The following CFAP410 variants were observed in gnomAD, a reference collection of about 807,000 sequenced individuals.
The protein encoded by CFAP410 is cilia- and flagella-associated protein 410.
In CFAP410, 27 loss-of-function variants were observed where a neutral mutation model predicts 25.7. The ratio of observed to expected loss-of-function variants is 1.05; its 90% CI spans 0.77 to 1.45. The LOEUF is 1.45. Among genes scored for constraint, CFAP410 ranks in the 40% most tolerant of loss-of-function variants. The pLI is 0.00. For missense variants in CFAP410, 428 were observed against 354.1 expected (o/e 1.21, Z -1.67); for synonymous variants, 178 against 158.4 (o/e 1.12, Z -0.93).
At chr21:44,334,947 G>A (rs1332662990) in intron 3 of CFAP410, 1 of 154,582 alleles carries the variant, frequency 6.5e-6, no homozygotes, top group East Asian at 1.9e-4. Context: ...AAGAAGGTAG[G>A]TCACAGTCAG....
At chr21:44,332,269 A>C in intron 4 of CFAP410, 1 of 438,306 alleles carries the variant, frequency 2.3e-6, no homozygotes. Context: ...GGCCAGAAGC[A>C]AATACTCCTC....
chr21:44,335,613 C>G (rs1427972207), intron 3 of CFAP410, 145 bp downstream of exon 3: 1 of 670,878 alleles, frequency 1.5e-6, no homozygotes, highest in East Asian at 2.7e-5. Context: ...TCTCGCTGTC[C>G]CGGCCCCTCC....
At chr21:44,331,748 G>T in intron 5 of CFAP410, 95 bp downstream of exon 5, 1 of 1,195,372 alleles carries the variant, frequency 8.4e-7, no homozygotes. Context: ...TCACTTCCCA[G>T]AGACGCAGCT....
intron 4 of CFAP410, 36 bp from the exon 5 acceptor site, chr21:44,332,050 C>T: frequency 1.3e-6 from 2 of 1,563,516 alleles, no homozygotes; most frequent in East Asian, 2.3e-5. Context: ...CATGAGTGGC[C>T]TCACCCACGT....
chr21:44,331,359 T>G, intron 5 of CFAP410: 1 of 251,642 alleles, frequency 4.0e-6, no homozygotes, highest in East Asian at 1.0e-4. Flanking sequence ...GTGCCCAGCT[T>G]CTGTCAAATG....
chr21:44,330,083 G>C lies in CFAP410; in HGVS notation c.*115C>G. 1 of 1,245,524 alleles carries C rather than the reference G, an allele frequency of 8.0e-7. No individual in the cohort carries two copies. The allele number at this position is 1,245,524 out of a possible 1,614,324, so 77.2% of individuals were successfully genotyped here. ...GCCCTCGGCCGATGTGGCAAACCGG[G>C]GAGGCTTTTGTGTGGGGCCGGGGCT... On this transcript the variant is annotated 3_prime_UTR_variant, in exon 7 of 7. Coordinates refer to ENST00000339818, the MANE Select transcript of CFAP410 (RefSeq NM_004928.3).
At chr21:44,337,607 A>C (rs1202687831) in intron 2 of CFAP410, 42 bp downstream of exon 2, 1 of 1,587,138 alleles carries the variant, frequency 6.3e-7, no homozygotes, top group Non-Finnish European at 8.6e-7. Flanking sequence ...GGCTATTTGG[A>C]GATGATCAGT....
At chr21:44,338,109 A>G (rs1655639091) in intron 1 of CFAP410, 2 of 385,408 alleles carry the variant, frequency 5.2e-6, no homozygotes, top group Non-Finnish European at 4.5e-6. Flanking sequence ...TAGTGGGAGT[A>G]CTGACCACCC....
chr21:44,332,806 A>T (rs2047676312), intron 4 of CFAP410: 3 of 558,302 alleles, frequency 5.4e-6, no homozygotes. Context: ...GGATACCCAA[A>T]CTGTCAGTCC....
rs537714564 is a variant in CFAP410, at chr21:44,336,738, T to G, written c.96+911A>C. The G allele has an allele frequency of 3.3e-5, 5 of 152,308 alleles. No individual in the cohort carries two copies. The South Asian group carries it at 1.0e-3, about 32-fold the overall frequency. 9.4% of individuals were successfully genotyped at this position (152,308 alleles called of 1,614,324 possible). ...GATGCCACGTATCCAGGCTTTTTTT[T>G]GTCTTTAAGAAAAGGTACAGTTCAA... is the stretch of plus-strand genomic sequence containing the variant. On this transcript the variant is annotated intron_variant, in intron 2 of 6. Coordinates refer to ENST00000339818, the MANE Select transcript of CFAP410 (RefSeq NM_004928.3).
In CFAP410 at chr21:44,332,977, C is replaced by T. The variant is rs2047679161; in HGVS notation, c.373+56G>A. ...GGAGAAGAGAAAAGAGGGCTGGGGACATCCCCTTCCAGGGATTGTTTTGGG... is the reference window on the plus strand; with the variant it reads ...GGAGAAGAGAAAAGAGGGCTGGGGATATCCCCTTCCAGGGATTGTTTTGGG... On this transcript the variant is annotated intron_variant, in intron 4 of 6. Coordinates refer to ENST00000339818, the MANE Select transcript of CFAP410 (RefSeq NM_004928.3). The T allele has an allele frequency of 5.9e-6, 7 of 1,177,020 alleles. No individual in the cohort carries two copies. In the South Asian group the frequency reaches 7.0e-5, roughly 12 times the overall value. The allele number at this position is 1,177,020 out of a possible 1,614,324, so 72.9% of individuals were successfully genotyped here.
At position 44,336,618 on chromosome 21, in the gene CFAP410, T is replaced by C. The variant is rs558603286; in HGVS notation, c.97-814A>G. The stretch of plus-strand genomic sequence containing the variant: ...TCACAGCCTGGTCAGATGCGTCCCA[T>C]GTATAAGTGACTCGTGTCTATGGAC... On this transcript the variant is annotated intron_variant, in intron 2 of 6. Coordinates refer to ENST00000339818, the MANE Select transcript of CFAP410 (RefSeq NM_004928.3). Among the ~76,000 whole-genome samples the C allele has an allele frequency of 9.2e-5, 14 of 152,264 alleles. No individual in the cohort carries two copies. In the East Asian group the frequency reaches 1.4e-3, roughly 15 times the overall value.
At chr21:44,332,076 T>C (rs2047660770) in intron 4 of CFAP410, 62 bp from the exon 5 acceptor site, 41 of 1,382,762 alleles carry the variant, frequency 3.0e-5, no homozygotes, top group Non-Finnish European at 3.8e-5. Flanking sequence ...CCACATGCAC[T>C]GCAGCTCCCG....
At position 44,329,870 on chromosome 21, in the gene CFAP410, G is replaced by T; in HGVS notation, c.*328C>A. 2 of 279,052 alleles carry T rather than the reference G, an allele frequency of 7.2e-6. No homozygotes were observed. Among genetic ancestry groups the T allele is most frequent in the Admixed American group, 1.0e-4 (2 of 19,468 alleles). The allele number at this position is 279,052 out of a possible 1,614,324, so 17.3% of individuals were successfully genotyped here. On this transcript the variant is annotated 3_prime_UTR_variant, in exon 7 of 7. Coordinates refer to ENST00000339818, the MANE Select transcript of CFAP410 (RefSeq NM_004928.3). ...AGGAAGACTGTCACAACCATGCCTT[G>T]GGAAACGTCACCTCCAGATCAACCT...
chr21:44,337,508 C>A (rs774894119), intron 2 of CFAP410, 141 bp downstream of exon 2: 52 of 656,086 alleles, frequency 7.9e-5, no homozygotes, highest in Non-Finnish European at 1.3e-4. Flanking sequence ...GCTAAGTGAA[C>A]AAAGTACCAA....
chr21:44,336,638 A>G (rs1187499325), intron 2 of CFAP410, among the ~76,000 whole-genome samples: 6 of 152,198 alleles, frequency 3.9e-5, no homozygotes, highest in African/African-American at 4.8e-5. Flanking sequence ...ACTCGTGTCT[A>G]TGGACATGGT....
rs781779982 is a variant in CFAP410, at chr21:44,329,236, A to G, written c.*962T>C. 1.1e-4 allele frequency: 17 copies of G among 152,398 alleles called. No homozygotes were observed. The highest frequency in any genetic ancestry group is 2.0e-4 in the Admixed American group (3 of 15,308). 9.4% of individuals were successfully genotyped at this position (152,398 alleles called of 1,614,324 possible). ...CGAGCTTGGGAGAACAGCGGCCTGC[A>G]CACACGGTCACGCATCACCGCTCGG... On this transcript the variant is annotated 3_prime_UTR_variant, in exon 7 of 7. Transcript: ENST00000339818.
At chr21:44,330,782 T>C (rs577267289) in intron 6 of CFAP410, 41 bp downstream of exon 6, 8 of 1,558,746 alleles carry the variant, frequency 5.1e-6, no homozygotes, top group Non-Finnish European at 6.9e-6. Flanking sequence ...GTGGGTGCAG[T>C]GGGCAGAGGC....
chr21:44,331,392 G>T (rs183246225), intron 5 of CFAP410: 18 of 244,752 alleles, frequency 7.4e-5, no homozygotes, highest in Non-Finnish European at 1.2e-4. Context: ...GCTGCCAACT[G>T]CCCTGGGAGG....
Sources: allele counts gnomAD v4.1 joint callset (sites outside exome capture counted in the v4.1 genomes callset), GRCh38; gene constraint gnomAD v4.1.1; transcripts MANE v1.5; gene names NCBI Gene and HGNC (gene_info 2026-07-23, HGNC 2026-07-21).